The following SEMA3A variants were observed in gnomAD, a reference collection of about 807,000 sequenced individuals.
The protein encoded by SEMA3A is semaphorin 3A, also known as semaphorin-3A.
A neutral mutation model predicts 97.9 loss-of-function variants in SEMA3A; 29 were observed. The observed-to-expected ratio is 0.30, with a 90% CI of 0.22 to 0.40. The LOEUF (loss-of-function observed/expected upper bound fraction) is 0.40, where lower values mean the gene tolerates loss of function less well. SEMA3A is among the 10% of genes least tolerant of loss of function. The pLI, the probability that SEMA3A is intolerant of heterozygous loss-of-function variation, is 1.00. For missense variants in SEMA3A, 763 were observed against 951.3 expected, an observed-to-expected ratio of 0.80 and a Z score of 2.60; for synonymous variants, 321 against 323.7, an observed-to-expected ratio of 0.99 and a Z score of 0.09.
chr7:84,150,987 C>T (rs562925353), intron 1 of SEMA3A, among the ~76,000 whole-genome samples: 4,313 of 148,604 alleles, frequency 0.029, 230 homozygotes, highest in African/African-American at 0.096. Context: ...CACACTGACA[C>T]CTCACACTGC....
intron 1 of SEMA3A, among the ~76,000 whole-genome samples, chr7:84,433,125 G>A (rs1026119655): frequency 4.6e-5 from 7 of 151,434 alleles, no homozygotes; most frequent in Admixed American, 1.3e-4. Flanking sequence ...TGTGCAGAAC[G>A]TGCAGGTTTG....
At chr7:84,092,026 AT>A (rs1446955938) in intron 4 of SEMA3A, among the ~76,000 whole-genome samples, 1 of 152,210 alleles carries the variant, frequency 6.6e-6, no homozygotes, top group African/African-American at 2.4e-5. Flanking sequence ...CTCTATCAGT[AT>A]CAGAGTATCA....
chr7:84,228,064 G>A (rs376576897), intron 3 of SEMA3A, among the ~76,000 whole-genome samples: 1 of 151,902 alleles, frequency 6.6e-6, no homozygotes, highest in Non-Finnish European at 1.5e-5. Flanking sequence ...CAATATGGAG[G>A]GCAAGATATG....
At chr7:84,451,064 G>A (rs1234728170) in intron 1 of SEMA3A, among the ~76,000 whole-genome samples, 1 of 152,094 alleles carries the variant, frequency 6.6e-6, no homozygotes, top group African/African-American at 2.4e-5. Flanking sequence ...CAGTGTCATA[G>A]CCAAGAAATC....
chr7:84,253,168 G>C (rs886487309), intron 3 of SEMA3A, among the ~76,000 whole-genome samples: 1 of 152,148 alleles, frequency 6.6e-6, no homozygotes, highest in Non-Finnish European at 1.5e-5. Context: ...ATGAGCCAAG[G>C]AGCCCAGTCC....
At chr7:84,294,206 C>A (rs1165530017) in intron 3 of SEMA3A, among the ~76,000 whole-genome samples, 1 of 151,702 alleles carries the variant, frequency 6.6e-6, no homozygotes, top group African/African-American at 2.4e-5. Context: ...GTAGATATTC[C>A]TTTTCATGAA....
Position 83,963,190 on chromosome 7 carries a change from G to T in SEMA3A, c.1860+15C>A, listed in dbSNP as rs770371373. On this transcript the variant is annotated intron_variant, in intron 16 of 16. Transcript: ENST00000265362. ...ATCTTAGATATAAATGATCCAGTCA[G>T]TTTCATTCCTGTACCTCTTCTTTTC... is the stretch of plus-strand genomic sequence containing the variant. 6.2e-7 allele frequency: 1 copy of T among 1,611,726 alleles called. No homozygotes were observed. Among genetic ancestry groups the T allele is most frequent in the African/African-American group, 1.3e-5 (1 of 75,012 alleles).
intron 3 of SEMA3A, among the ~76,000 whole-genome samples, chr7:84,260,334 C>A (rs1562875827): frequency 6.6e-6 from 1 of 152,110 alleles, no homozygotes; most frequent in Non-Finnish European, 1.5e-5. Context: ...ATGCCAGCTG[C>A]AGGAGGAGAG....
Position 84,194,681 on chromosome 7 carries a change from G to C in SEMA3A, c.-95C>G. 1.3e-6 allele frequency: 1 copy of C among 747,474 alleles called. No homozygotes were observed. The highest frequency in any genetic ancestry group is 2.4e-6 in the Non-Finnish European group (1 of 423,098). The allele number at this position is 747,474 out of a possible 1,614,324, so 46.3% of individuals were successfully genotyped here. ...AACAATCTGGAAACTGGAGGTAACA[G>C]GTGATTTAGGTCAGTTTCATTCATA... On this transcript the variant is annotated 5_prime_UTR_variant, in exon 1 of 17. Coordinates refer to ENST00000265362, the MANE Select transcript of SEMA3A (RefSeq NM_006080.3).
chr7:84,386,199 G>A (rs1241490501), intron 1 of SEMA3A, among the ~76,000 whole-genome samples: 3 of 152,142 alleles, frequency 2.0e-5, no homozygotes, highest in African/African-American at 7.2e-5. Context: ...ACCAAGGTAA[G>A]CTGGGTTAGT....
chr7:84,426,034 T>C (rs1056224369), intron 1 of SEMA3A, among the ~76,000 whole-genome samples: 3 of 150,492 alleles, frequency 2.0e-5, no homozygotes. Flanking sequence ...GCTATGGGTA[T>C]ACAAAGGCAT....
At chr7:84,332,207 T>G (rs778386388) in intron 2 of SEMA3A, among the ~76,000 whole-genome samples, 65 of 152,102 alleles carry the variant, frequency 4.3e-4, no homozygotes, top group Non-Finnish European at 8.1e-4. Flanking sequence ...TAGCAGATGT[T>G]CCTATCAGAA....
chr7:84,463,693 TC>T (rs912673544), intron 1 of SEMA3A, among the ~76,000 whole-genome samples: 11 of 152,304 alleles, frequency 7.2e-5, no homozygotes, highest in Admixed American at 1.3e-4. Context: ...GAATGACTTT[TC>T]TTCTCCCTGT....
At chr7:84,044,525 G>A (rs1792271710) in intron 6 of SEMA3A, among the ~76,000 whole-genome samples, 2 of 151,934 alleles carry the variant, frequency 1.3e-5, no homozygotes, top group African/African-American at 4.8e-5. Flanking sequence ...AAGAAATAAG[G>A]GAAGCTAAGA....
intron 3 of SEMA3A, among the ~76,000 whole-genome samples, chr7:84,116,630 C>A (rs868139029): frequency 1.1e-4 from 17 of 152,180 alleles, no homozygotes; most frequent in African/African-American, 3.9e-4. Context: ...TTAGTCTAGA[C>A]CCTAATCCAA....
chr7:83,982,038 A>G (rs948094737), intron 13 of SEMA3A, among the ~76,000 whole-genome samples: 6 of 152,110 alleles, frequency 3.9e-5, no homozygotes, highest in Non-Finnish European at 8.8e-5. Flanking sequence ...GATTACTTTT[A>G]AAAAGACTAC....
At chr7:84,044,328 T>A (rs941326300) in intron 6 of SEMA3A, among the ~76,000 whole-genome samples, 7 of 152,040 alleles carry the variant, frequency 4.6e-5, no homozygotes, top group Non-Finnish European at 1.5e-5. Context: ...AGGCATCACA[T>A]TTCTCACATG....
At chr7:84,060,932 C>T (rs953074924) in intron 4 of SEMA3A, among the ~76,000 whole-genome samples, 7 of 152,122 alleles carry the variant, frequency 4.6e-5, no homozygotes, top group Admixed American at 3.3e-4. Context: ...GACTCATTTC[C>T]TTCCTTTGTA....
At chr7:84,289,132 A>C (rs1052302220) in intron 3 of SEMA3A, among the ~76,000 whole-genome samples, 1 of 152,132 alleles carries the variant, frequency 6.6e-6, no homozygotes, top group African/African-American at 2.4e-5. Context: ...GACAAATACT[A>C]CATTTTCACT....
Sources: allele counts gnomAD v4.1 joint callset (sites outside exome capture counted in the v4.1 genomes callset), GRCh38; gene constraint gnomAD v4.1.1; transcripts MANE v1.5; gene names NCBI Gene and HGNC (gene_info 2026-07-23, HGNC 2026-07-21).